Variants in COL25A1 observed in about 807,000 individuals in gnomAD.
COL25A1 encodes collagen type XXV alpha 1 chain, also known as collagen alpha-1(XXV) chain.
A neutral mutation model predicts 128.4 loss-of-function variants in COL25A1; 103 were observed. The ratio of observed to expected loss-of-function variants is 0.80; its 90% CI spans 0.68 to 0.94. The LOEUF (loss-of-function observed/expected upper bound fraction) is 0.94, where lower values mean the gene tolerates loss of function less well. COL25A1 is among the 40% of genes least tolerant of loss of function. The probability of loss-of-function intolerance (pLI) is 0.00; values close to 1 mark genes in which losing one functional copy is unlikely to be tolerated. For missense variants in COL25A1, 745 were observed against 840.0 expected, an observed-to-expected ratio of 0.89 and a Z score of 1.40; for synonymous variants, 279 against 277.2, an observed-to-expected ratio of 1.01 and a Z score of -0.06.
intron 19 of COL25A1, among the ~76,000 whole-genome samples, chr4:108,880,858 C>G (rs186486142): frequency 6.6e-6 from 1 of 152,122 alleles, no homozygotes; most frequent in East Asian, 1.9e-4. Context: ...GAGAGCAAAG[C>G]CTAAGAAAAT....
chr4:108,997,457 G>C lies in COL25A1; in HGVS notation c.438+12901C>G, dbSNP rs1209058770. Among the ~76,000 whole-genome samples, 5 of 152,080 alleles carry C rather than the reference G, an allele frequency of 3.3e-5. No individual in the cohort carries two copies. In the East Asian group the frequency reaches 5.8e-4, roughly 18 times the overall value. Reference sequence around the variant, plus strand: ...TGAATCTCTGAATAGACCAATAACAGGCTCTGAAATTGAGACAATAATTAA... The same window carrying C: ...TGAATCTCTGAATAGACCAATAACACGCTCTGAAATTGAGACAATAATTAA... On this transcript the variant is annotated intron_variant, in intron 6 of 37. Coordinates refer to ENST00000399132, the MANE Select transcript of COL25A1 (RefSeq NM_198721.4).
At chr4:108,868,276 C>T (rs1738187441) in intron 20 of COL25A1, among the ~76,000 whole-genome samples, 1 of 152,080 alleles carries the variant, frequency 6.6e-6, no homozygotes, top group South Asian at 2.1e-4. Context: ...ATCCTGTTGT[C>T]TTGCCTAAGG....
chr4:109,245,695 A>T (rs528404695), intron 3 of COL25A1, among the ~76,000 whole-genome samples: 1 of 152,332 alleles, frequency 6.6e-6, no homozygotes, highest in South Asian at 2.1e-4. Flanking sequence ...GATTGTTTAC[A>T]AAAACTACAG....
intron 3 of COL25A1, among the ~76,000 whole-genome samples, chr4:109,300,285 T>C (rs1351003345): frequency 6.6e-6 from 1 of 152,112 alleles, no homozygotes; most frequent in Non-Finnish European, 1.5e-5. Context: ...GACAATTTAA[T>C]TGAAGAATAT....
rs1730746577 is a variant in COL25A1 at position 108,810,916 on chromosome 4, A to G, written c.*3011T>C. On this transcript the variant is annotated 3_prime_UTR_variant, in exon 38 of 38. Transcript: ENST00000399132. Reference sequence around the variant, plus strand: ...TGTCCATAGAGAAAAAGGAAAAGAGATACATTAGCACCAACCAACATAAAT... The same window carrying G: ...TGTCCATAGAGAAAAAGGAAAAGAGGTACATTAGCACCAACCAACATAAAT... 1 of 152,078 alleles carries G rather than the reference A, an allele frequency of 6.6e-6. No homozygotes were observed. Among genetic ancestry groups the G allele is most frequent in the South Asian group, 2.1e-4 (1 of 4,836 alleles). 9.4% of individuals were successfully genotyped at this position (152,078 alleles called of 1,614,324 possible).
chr4:109,299,238 C>T (rs1725281435), intron 3 of COL25A1, among the ~76,000 whole-genome samples: 2 of 152,082 alleles, frequency 1.3e-5, no homozygotes, highest in Non-Finnish European at 2.9e-5. Flanking sequence ...TTTAAATAAT[C>T]CCTACAGGCT....
intron 3 of COL25A1, among the ~76,000 whole-genome samples, chr4:109,209,668 C>T (rs934953436): frequency 2.0e-5 from 3 of 152,080 alleles, no homozygotes; most frequent in African/African-American, 7.2e-5. Flanking sequence ...ACTATTTCTA[C>T]GTAATGTATA....
intron 18 of COL25A1, among the ~76,000 whole-genome samples, chr4:108,887,053 C>G (rs537230104): frequency 6.6e-6 from 1 of 152,274 alleles, no homozygotes; most frequent in South Asian, 2.1e-4. Context: ...TCTACACACT[C>G]ACTCTACAAG....
intron 3 of COL25A1, among the ~76,000 whole-genome samples, chr4:109,167,625 T>C (rs1489308588): frequency 6.6e-6 from 1 of 152,132 alleles, no homozygotes; most frequent in African/African-American, 2.4e-5. Context: ...CTTCCCTTCT[T>C]CCCCACTTTC....
intron 3 of COL25A1, among the ~76,000 whole-genome samples, chr4:109,197,457 TA>T (rs1443382534): frequency 8.5e-6 from 1 of 117,722 alleles, no homozygotes; most frequent in Non-Finnish European, 1.7e-5. Flanking sequence ...ATATTATATA[TA>T]AATATTATAT....
intron 24 of COL25A1, among the ~76,000 whole-genome samples, chr4:108,856,702 A>G (rs1232356411): frequency 6.6e-6 from 1 of 152,168 alleles, no homozygotes; most frequent in Non-Finnish European, 1.5e-5. Context: ...AGCATGAACT[A>G]GTTGACTATG....
chr4:109,072,553 G>A (rs1763056557), intron 3 of COL25A1, among the ~76,000 whole-genome samples: 1 of 152,290 alleles, frequency 6.6e-6, no homozygotes, highest in Non-Finnish European at 1.5e-5. Flanking sequence ...TGTTCTCCCT[G>A]TAATTATAGA....
At chr4:108,989,073 T>G (rs988757262) in intron 6 of COL25A1, among the ~76,000 whole-genome samples, 8 of 152,224 alleles carry the variant, frequency 5.3e-5, no homozygotes, top group Admixed American at 2.0e-4. Context: ...CTCAGATCAT[T>G]ATGTTCACCA....
chr4:109,293,595 G>T (rs1724677170), intron 3 of COL25A1, among the ~76,000 whole-genome samples: 1 of 152,028 alleles, frequency 6.6e-6, no homozygotes, highest in African/African-American at 2.4e-5. Context: ...AAAACATTGT[G>T]TACATAAACC....
At chr4:108,815,492 G>A (rs1731162245) in intron 37 of COL25A1, among the ~76,000 whole-genome samples, 1 of 152,092 alleles carries the variant, frequency 6.6e-6, no homozygotes, top group African/African-American at 2.4e-5. Flanking sequence ...GGGTGGGAGA[G>A]GTTGATCAGA....
intron 3 of COL25A1, among the ~76,000 whole-genome samples, chr4:109,210,205 G>A (rs1442395087): frequency 1.3e-5 from 2 of 151,976 alleles, no homozygotes; most frequent in African/African-American, 4.8e-5. Flanking sequence ...AGAGGTAAAA[G>A]GCTCCTACTA....
chr4:108,984,860 G>C (rs573738059), intron 6 of COL25A1, among the ~76,000 whole-genome samples: 1 of 152,254 alleles, frequency 6.6e-6, no homozygotes, highest in Non-Finnish European at 1.5e-5. Context: ...CCCAGGCAGA[G>C]GAAGCGCCAA....
chr4:109,111,204 C>A (rs1474781483), intron 3 of COL25A1, among the ~76,000 whole-genome samples: 1 of 152,180 alleles, frequency 6.6e-6, no homozygotes, highest in Non-Finnish European at 1.5e-5. Flanking sequence ...GAAAGGTCTT[C>A]TCTTCCATTT....
At chr4:109,121,702 A>C (rs1768122881) in intron 3 of COL25A1, among the ~76,000 whole-genome samples, 1 of 152,118 alleles carries the variant, frequency 6.6e-6, no homozygotes, top group Non-Finnish European at 1.5e-5. Flanking sequence ...GCCACTTTGG[A>C]AGAAAGTTTG....
Sources: gnomAD v4.1 joint callset for allele counts (sites outside exome capture counted in the v4.1 genomes callset) on GRCh38, gnomAD v4.1.1 for gene constraint, MANE v1.5 for transcripts, NCBI Gene and HGNC (gene_info 2026-07-23, HGNC 2026-07-21) for gene names.